The following CPNE6 variants were observed in gnomAD, a reference collection of about 807,000 sequenced individuals.
CPNE6 encodes copine-6.
Under a neutral mutation model 71.5 loss-of-function variants are expected in CPNE6, and 33 were observed. The observed-to-expected ratio is 0.46, with a 90% CI of 0.35 to 0.62. The LOEUF (loss-of-function observed/expected upper bound fraction) is 0.62. CPNE6 is among the 20% of genes least tolerant of loss of function. The pLI is 0.00. For missense variants in CPNE6, 576 were observed against 747.3 expected, an observed-to-expected ratio of 0.77 and a Z score of 2.67; for synonymous variants, 296 against 293.0, an observed-to-expected ratio of 1.01 and a Z score of -0.10.
chr14:24,073,723 A>G lies in CPNE6; in HGVS notation c.348+45A>G. 3 of 1,569,598 alleles carry G rather than the reference A, an allele frequency of 1.9e-6. No homozygotes were observed. Among genetic ancestry groups the G allele is most frequent in the Non-Finnish European group, 2.6e-6 (3 of 1,157,984 alleles). On this transcript the variant is annotated intron_variant, in intron 4 of 17. Transcript: ENST00000397016. This position sits in a 1 kb window ranked among gnomAD's most constrained non-coding sequence, Gnocchi z 5.5. ...CCGGCTACCCTACCCTACCTCCATC[A>G]GCTTTGCCTCTGGAAGCCAAAAAGA... is the stretch of plus-strand genomic sequence containing the variant.
At chr14:24,071,304 G>A (rs1432709483) in intron 1 of CPNE6, 9 of 1,399,888 alleles carry the variant, frequency 6.4e-6, no homozygotes, top group Non-Finnish European at 7.5e-6. Flanking sequence ...CCACTGCAAT[G>A]TGCGCATCTC....
intron 11 of CPNE6, 23 bp from the exon 11 acceptor site, chr14:24,076,126 A>C (rs1174701706): frequency 6.2e-7 from 1 of 1,609,366 alleles, no homozygotes. Context: ...TTGCAGCATG[A>C]CCTTCTTCCC....
rs781561222 is a variant in CPNE6 at position 24,076,497 on chromosome 14, C to T, written c.1114-9C>T. 2.1e-5 allele frequency: 34 copies of T among 1,614,058 alleles called. 1 individual carries two copies. The South Asian group carries it at 3.6e-4, about 17-fold the overall frequency. The stretch of plus-strand genomic sequence containing the variant: ...GCAGGCCCTCACTGCTCCCGCCTTG[C>T]CCTCACAGGTGTCCCATGACTTTGC... On this transcript the variant is annotated splice_polypyrimidine_tract_variant and intron_variant, in intron 13 of 17. Transcript: ENST00000397016.
chr14:24,071,258 C>T (rs1394126104), intron 1 of CPNE6: 13 of 1,195,906 alleles, frequency 1.1e-5, no homozygotes, highest in Middle Eastern at 2.9e-4. Flanking sequence ...GTGCATGTGT[C>T]GCCATCATTT....
chr14:24,073,749 G>A lies in CPNE6; in HGVS notation c.348+71G>A, dbSNP rs1025331088. On this transcript the variant is annotated intron_variant, in intron 4 of 17. Transcript: ENST00000397016. The surrounding 1 kb of genome is among the most constrained non-coding windows in gnomAD (Gnocchi z 5.5). The stretch of plus-strand genomic sequence containing the variant: ...GCTTTGCCTCTGGAAGCCAAAAAGA[G>A]AGAAAACATGAGCTCTAGAGCTAGT... 20 of 1,495,738 alleles carry A rather than the reference G, an allele frequency of 1.3e-5. No homozygotes were observed. The highest frequency in any genetic ancestry group is 2.7e-6 in the Non-Finnish European group (3 of 1,104,656). The allele number at this position is 1,495,738 out of a possible 1,614,324, so 92.7% of individuals were successfully genotyped here.
Position 24,075,131 on chromosome 14 carries a change from G to C in CPNE6, c.673-41G>C, listed in dbSNP as rs1161562387. ...CCCTACTCACCGTGAATACCGCAGA[G>C]CATCTCCAACCTGACCCCACCCCTC... is the stretch of plus-strand genomic sequence containing the variant. On this transcript the variant is annotated intron_variant, in intron 8 of 17. Coordinates refer to ENST00000397016, the Ensembl canonical transcript of CPNE6. This position sits in a 1 kb window ranked among gnomAD's most constrained non-coding sequence, Gnocchi z 4.3. The C allele has an allele frequency of 7.0e-7, 1 of 1,432,574 alleles. No individual in the cohort carries two copies. Among genetic ancestry groups the C allele is most frequent in the East Asian group, 2.3e-5 (1 of 44,050 alleles). The allele number at this position is 1,432,574 out of a possible 1,614,324, so 88.7% of individuals were successfully genotyped here.
chr14:24,073,059 C>A lies in CPNE6; in HGVS notation c.123C>A (p.His41Gln). 6.5e-7 allele frequency: 1 copy of A among 1,539,164 alleles called. No individual in the cohort carries two copies. The highest frequency in any genetic ancestry group is 1.2e-5 in the South Asian group (1 of 81,240). ...ACCGGGACACACTCACCAAACCCCA[C>A]CCCTGCGTGCTGCTCAAGCTCTACT... Residue 41 changes from histidine (H) to glutamine (Q), a missense_variant, in exon 3 of 18, where the codon CAC becomes CAA. By Grantham distance (24) the His-to-Gln change is conservative (BLOSUM62 0). This residue lies in a region of CPNE6 where 89 missense variants were observed against 80.4 expected (regional missense o/e 1.11). Transcript: ENST00000397016. This position sits in a 1 kb window ranked among gnomAD's most constrained non-coding sequence, Gnocchi z 5.5.
rs2036142947 is a variant in CPNE6, at chr14:24,077,713, C to G, written c.1657C>G (p.Pro553Ala). ...CAGGCCCTGCACACTGGCTACGACT[C>G]CCAGCCCTAGCCCGTGACTGCCTCC... The change falls in exon 17 of 18, where the codon CCC (proline) becomes GCC (alanine). Residue 553 changes from proline (P) to alanine (A), a missense_variant. Pro to Ala is a conservative substitution (Grantham distance 27). Around this residue, in one of 4 missense-constraint regions of CPNE6, gnomAD observed 264 missense variants for 339.9 expected, o/e 0.78. Transcript: ENST00000397016. This position sits in a 1 kb window ranked among gnomAD's most constrained non-coding sequence, Gnocchi z 6.1. 6.5e-7 allele frequency: 1 copy of G among 1,537,142 alleles called. No homozygotes were observed. Among genetic ancestry groups the G allele is most frequent in the Non-Finnish European group, 8.7e-7 (1 of 1,143,618 alleles).
Position 24,075,633 on chromosome 14 carries a change from C to T in CPNE6, c.864+42C>T. On this transcript the variant is annotated intron_variant, in intron 10 of 17. Coordinates refer to ENST00000397016, the Ensembl canonical transcript of CPNE6. This position sits in a 1 kb window ranked among gnomAD's most constrained non-coding sequence, Gnocchi z 4.3. ...GCTTCAAGCCTTGCCCCAGCCCCTG[C>T]CCCTACCACACTCTCAGGTTCAACC... The T allele has an allele frequency of 6.6e-7, 1 of 1,514,352 alleles. No homozygotes were observed. Among genetic ancestry groups the T allele is most frequent in the Non-Finnish European group, 9.1e-7 (1 of 1,101,006 alleles). The allele number at this position is 1,514,352 out of a possible 1,614,324, so 93.8% of individuals were successfully genotyped here.
chr14:24,075,347 GACC>G lies in CPNE6; in HGVS notation c.777+76_777+78del. On this transcript the variant is annotated intron_variant, in intron 9 of 17. Coordinates refer to ENST00000397016, the Ensembl canonical transcript of CPNE6. The surrounding 1 kb of genome is among the most constrained non-coding windows in gnomAD (Gnocchi z 4.3). Reference sequence around the variant, plus strand: ...AGAATCCTGAGGGTGATGCTGAAGAGACCACCATAGGTGATAGGAAGTGGAGAG... The same window carrying G: ...AGAATCCTGAGGGTGATGCTGAAGAGACCATAGGTGATAGGAAGTGGAGAG... 1 of 1,453,640 alleles carries G rather than the reference GACC, an allele frequency of 6.9e-7. No homozygotes were observed. The highest frequency in any genetic ancestry group is 2.3e-5 in the East Asian group (1 of 44,106). 90.0% of individuals were successfully genotyped at this position (1,453,640 alleles called of 1,614,324 possible). A position where few individuals can be genotyped will look rare whatever the true frequency, so the allele number is the denominator to read the frequency against.
At chr14:24,071,300 C>T (rs2035888743) in intron 1 of CPNE6, 1 of 1,385,388 alleles carries the variant, frequency 7.2e-7, no homozygotes, top group African/African-American at 1.5e-5. Flanking sequence ...CATGCCACTG[C>T]AATGTGCGCA....
exon 3 of CPNE6, chr14:24,072,984 G>A (rs749586593): frequency 1.1e-5 from 18 of 1,586,952 alleles, no homozygotes; most frequent in Non-Finnish European, 1.5e-5. Context: ...CAACCATGAC[G>A]CTGGGGGCCT....
chr14:24,075,667 G>A lies in CPNE6; in HGVS notation c.864+76G>A. 1 of 1,421,848 alleles carries A rather than the reference G, an allele frequency of 7.0e-7. No homozygotes were observed. Among genetic ancestry groups the A allele is most frequent in the Non-Finnish European group, 9.8e-7 (1 of 1,024,554 alleles). The allele number at this position is 1,421,848 out of a possible 1,614,324, so 88.1% of individuals were successfully genotyped here. A position where few individuals can be genotyped will look rare whatever the true frequency, so the allele number is the denominator to read the frequency against. On this transcript the variant is annotated intron_variant, in intron 10 of 17. Transcript: ENST00000397016. This position sits in a 1 kb window ranked among gnomAD's most constrained non-coding sequence, Gnocchi z 4.3. ...CACTCTCAGGTTCAACCCTTCCCTT[G>A]TTTCAAAGACCAGTTTCTCTGCTTC...
At chr14:24,071,776 T>G in intron 2 of CPNE6, 135 bp downstream of exon 1, 1 of 544,188 alleles carries the variant, frequency 1.8e-6, no homozygotes, top group South Asian at 2.4e-5. Flanking sequence ...CCCCTGCCTA[T>G]CTCGGGGACC....
At chr14:24,071,170 T>A (rs1352255695) in intron 1 of CPNE6, 3 of 1,060,870 alleles carry the variant, frequency 2.8e-6, no homozygotes, top group Non-Finnish European at 4.1e-6. Context: ...CCGGGGGCTG[T>A]AACTGTCGTG....
Position 24,073,928 on chromosome 14 carries a change from C to A in CPNE6, c.349-123C>A. 1.0e-6 allele frequency: 1 copy of A among 994,754 alleles called. No individual in the cohort carries two copies. The highest frequency in any genetic ancestry group is 1.6e-6 in the Non-Finnish European group (1 of 637,846). 61.6% of individuals were successfully genotyped at this position (994,754 alleles called of 1,614,324 possible). On this transcript the variant is annotated intron_variant, in intron 4 of 17. Coordinates refer to ENST00000397016, the Ensembl canonical transcript of CPNE6. This position sits in a 1 kb window ranked among gnomAD's most constrained non-coding sequence, Gnocchi z 5.5. ...AGACTATTGTAAAAATTGAGCCCAA[C>A]CCTAGCCCAACTCAAAGTGCCAACC...
Position 24,073,688 on chromosome 14 carries a change from C to A in CPNE6, c.348+10C>A, listed in dbSNP as rs769377369. 1.9e-6 allele frequency: 3 copies of A among 1,606,250 alleles called. No individual in the cohort carries two copies. Among genetic ancestry groups the A allele is most frequent in the South Asian group, 2.2e-5 (2 of 90,296 alleles). The stretch of plus-strand genomic sequence containing the variant: ...GTGCACCTTGGGCCAGGTCTGCATT[C>A]CCGGCCTCCCCGGCTACCCTACCCT... On this transcript the variant is annotated intron_variant, in intron 4 of 17. Coordinates refer to ENST00000397016, the Ensembl canonical transcript of CPNE6. This position sits in a 1 kb window ranked among gnomAD's most constrained non-coding sequence, Gnocchi z 5.5.
At position 24,075,198 on chromosome 14, in the gene CPNE6, T is replaced by C. The variant is rs1244080129; in HGVS notation, c.699T>C (p.Ser233=). 1.9e-6 allele frequency: 3 copies of C among 1,613,798 alleles called. No individual in the cohort carries two copies. Among genetic ancestry groups the C allele is most frequent in the Non-Finnish European group, 2.5e-6 (3 of 1,179,900 alleles). The change falls in exon 9 of 18, where the codon AGT becomes AGC. Residue 233 remains serine, a synonymous_variant. Transcript: ENST00000397016. The surrounding 1 kb of genome is among the most constrained non-coding windows in gnomAD (Gnocchi z 4.3). ...TCCTGGTGTATGACTATGACTCCAG[T>C]GGGAAGCATGACTTCATCGGCGAGT...
rs750517746 is a variant in CPNE6 at position 24,074,287 on chromosome 14, G to C, written c.424-4G>C. ...GAGTCCTGCCACTTGTATCCCCCTT[G>C]CAGATCGTGGCCGAGGAGGTATCAG... On this transcript the variant is annotated splice_region_variant and splice_polypyrimidine_tract_variant and intron_variant, in intron 5 of 17. Coordinates refer to ENST00000397016, the Ensembl canonical transcript of CPNE6. The surrounding 1 kb of genome is among the most constrained non-coding windows in gnomAD (Gnocchi z 4.5). The C allele has an allele frequency of 2.7e-5, 43 of 1,585,154 alleles. No homozygotes were observed. The highest frequency in any genetic ancestry group is 1.4e-4 in the South Asian group (12 of 87,360).
Sources: allele counts gnomAD v4.1 joint callset, GRCh38; gene constraint gnomAD v4.1.1; regional missense constraint gnomAD v4.1.1; non-coding constraint Gnocchi (gnomAD v3.1); transcripts MANE v1.5; gene names NCBI Gene and HGNC (gene_info 2026-07-23, HGNC 2026-07-21).